Variants in TCERG1 observed in about 807,000 individuals in gnomAD.
TCERG1 encodes transcription elongation regulator 1, also known as TATA box binding protein (TBP)-associated factor, RNA polymerase II, S, 150kD.
TCERG1 carries 37 observed loss-of-function variants against 144.7 expected under a neutral mutation model. The observed-to-expected ratio is 0.26, with a 90% CI of 0.20 to 0.34. The LOEUF (loss-of-function observed/expected upper bound fraction) is 0.34. TCERG1 is among the 10% of genes least tolerant of loss of function. The pLI is 1.00. For synonymous variants in TCERG1, 492 were observed against 458.2 expected (o/e 1.07, Z -0.94); for missense variants, 1,027 against 1,380.7 (o/e 0.74, Z 4.06).
chr5:146,462,084 C>T (rs1763379902), intron 4 of TCERG1: 1 of 152,594 alleles, frequency 6.6e-6, no homozygotes, highest in Non-Finnish European at 1.5e-5. Context: ...GCCCTGCTGT[C>T]TATTTAGCCA....
At chr5:146,472,454 A>G (rs1764402546) in intron 9 of TCERG1, among the ~76,000 whole-genome samples, 1 of 152,138 alleles carries the variant, frequency 6.6e-6, no homozygotes, top group South Asian at 2.1e-4. Context: ...ATCTGCGATC[A>G]GTGATCTTTT....
chr5:146,483,548 T>G lies in TCERG1; in HGVS notation c.2082T>G (p.Ala694=). The G allele has an allele frequency of 6.2e-7, 1 of 1,612,066 alleles. No homozygotes were observed. Among genetic ancestry groups the G allele is most frequent in the Non-Finnish European group, 8.5e-7 (1 of 1,178,872 alleles). Residue 694 remains alanine (A), a synonymous_variant, in exon 15 of 23, where the codon GCT becomes GCG. Coordinates refer to ENST00000679501, the MANE Select transcript of TCERG1 (RefSeq NM_001382548.1). ...ACGTTTTTATTTTAAAGGTGTCTGC[T>G]TTTTCAACGTGGGAGAAGGAGTTGC... ...KDMLLERGVS[A]FSTWEKELHK...
At chr5:146,466,233 T>C (rs2150349212) in intron 5 of TCERG1, among the ~76,000 whole-genome samples, 1 of 152,300 alleles carries the variant, frequency 6.6e-6, no homozygotes, top group Admixed American at 6.5e-5. Flanking sequence ...GGTTTTTGCC[T>C]TTTAATTCAA....
intron 1 of TCERG1, among the ~76,000 whole-genome samples, chr5:146,450,734 T>G (rs1762275673): frequency 6.6e-6 from 1 of 152,186 alleles, no homozygotes; most frequent in Non-Finnish European, 1.5e-5. Context: ...AAAAGGAAAT[T>G]ATGTGAATTT....
chr5:146,492,531 TAAGAG>T (rs1345507923), intron 15 of TCERG1, among the ~76,000 whole-genome samples: 3 of 152,182 alleles, frequency 2.0e-5, no homozygotes, highest in Non-Finnish European at 4.4e-5. Context: ...ACTTATGTCT[TAAGAG>T]AAGCACGGAA....
chr5:146,506,301 A>G (rs1028624461), intron 19 of TCERG1, among the ~76,000 whole-genome samples: 1 of 152,192 alleles, frequency 6.6e-6, no homozygotes. Flanking sequence ...ATTATCACCA[A>G]TGAAGCATAT....
chr5:146,503,844 A>C lies in TCERG1; in HGVS notation c.2619A>C (p.Glu873Asp). 1 of 1,592,822 alleles carries C rather than the reference A, an allele frequency of 6.3e-7. No homozygotes were observed. Among genetic ancestry groups the C allele is most frequent in the Non-Finnish European group, 8.5e-7 (1 of 1,174,600 alleles). The change falls in exon 19 of 23, where the codon GAA becomes GAC. Residue 873 changes from glutamate to aspartate, a missense_variant. Physicochemically the swap from Glu to Asp is conservative, Grantham distance 45. Around this residue, in one of 6 missense-constraint regions of TCERG1, gnomAD observed 482 missense variants for 632.6 expected, o/e 0.76. Coordinates refer to ENST00000679501, the MANE Select transcript of TCERG1 (RefSeq NM_001382548.1). ...KIAKNLDSEK[E>D]KELERQARIE... ...TACAGAATTTAGACTCAGAAAAAGAAAAGGAGCTTGAAAGGCAAGCCCGCA... is the reference window on the plus strand; with the variant it reads ...TACAGAATTTAGACTCAGAAAAAGACAAGGAGCTTGAAAGGCAAGCCCGCA...
chr5:146,497,167 A>G lies in TCERG1; in HGVS notation c.2283-1369A>G, dbSNP rs577066603. On this transcript the variant is annotated intron_variant, in intron 16 of 22. Transcript: ENST00000679501. ...GATTACAGCCATGAGCCACCACACT[A>G]TGTTTTTTTGTTTTTGTTTTTTTGA... is the stretch of plus-strand genomic sequence containing the variant. 4.7e-5 allele frequency among the ~76,000 whole-genome samples: 7 copies of G among 149,314 alleles called. No individual in the cohort carries two copies. The South Asian group carries it at 8.5e-4, about 18-fold the overall frequency.
intron 9 of TCERG1, among the ~76,000 whole-genome samples, chr5:146,476,545 G>C (rs1027469811): frequency 6.6e-6 from 1 of 150,892 alleles, no homozygotes; most frequent in Non-Finnish European, 1.5e-5. Context: ...TGTTACACAG[G>C]CTCATTTAAA....
chr5:146,505,913 A>T (rs921881808), intron 19 of TCERG1, among the ~76,000 whole-genome samples: 10 of 152,020 alleles, frequency 6.6e-5, no homozygotes, highest in Admixed American at 2.6e-4. Context: ...AGTAGCTGGG[A>T]CTACAGGCAT....
At chr5:146,506,643 ACTC>A (rs916017765) in intron 19 of TCERG1, among the ~76,000 whole-genome samples, 1 of 151,802 alleles carries the variant, frequency 6.6e-6, no homozygotes, top group African/African-American at 2.4e-5. Flanking sequence ...TTGACAAGTA[ACTC>A]CTCATTCTCT....
At chr5:146,487,983 A>G (rs775918477) in intron 15 of TCERG1, among the ~76,000 whole-genome samples, 7 of 152,334 alleles carry the variant, frequency 4.6e-5, no homozygotes, top group Admixed American at 6.5e-5. Flanking sequence ...AAAGGTGCCA[A>G]GAACACTCAC....
chr5:146,468,285 G>A, intron 5 of TCERG1, 56 bp from the exon 6 acceptor site: 1 of 1,357,440 alleles, frequency 7.4e-7, no homozygotes, highest in Non-Finnish European at 1.0e-6. Context: ...GAATCCCAGT[G>A]GTAGCCGACA....
At chr5:146,486,353 T>G (rs1403106306) in intron 15 of TCERG1, among the ~76,000 whole-genome samples, 1 of 152,236 alleles carries the variant, frequency 6.6e-6, no homozygotes, top group East Asian at 1.9e-4. Context: ...ACCATAAATT[T>G]TAACTTAGAA....
At chr5:146,460,914 G>A (rs1763277423) in intron 4 of TCERG1, among the ~76,000 whole-genome samples, 1 of 152,164 alleles carries the variant, frequency 6.6e-6, no homozygotes, top group Non-Finnish European at 1.5e-5. Context: ...TGGCAAGGCA[G>A]GAGACTACCA....
chr5:146,447,552 G>A, intron 1 of TCERG1, 144 bp downstream of exon 1: 1 of 1,066,242 alleles, frequency 9.4e-7, no homozygotes, highest in Middle Eastern at 2.9e-4. Flanking sequence ...TTTAAGAAGG[G>A]GGAAGGGGAA....
intron 16 of TCERG1, among the ~76,000 whole-genome samples, chr5:146,497,261 C>T (rs934077145): frequency 6.6e-6 from 1 of 152,166 alleles, no homozygotes; most frequent in Non-Finnish European, 1.5e-5. Context: ...GCCTTTGCCT[C>T]CCAGGTTCAA....
intron 16 of TCERG1, 63 bp downstream of exon 16, chr5:146,493,101 A>G: frequency 8.5e-7 from 1 of 1,178,146 alleles, no homozygotes; most frequent in Non-Finnish European, 1.2e-6. Context: ...TCAGTTTTTA[A>G]AAATTAAAAA....
At chr5:146,500,315 G>A (rs547442154) in intron 17 of TCERG1, among the ~76,000 whole-genome samples, 1 of 152,106 alleles carries the variant, frequency 6.6e-6, no homozygotes, top group South Asian at 2.1e-4. Context: ...TTCACATTTT[G>A]AGCACATTTG....
Sources: allele counts gnomAD v4.1 joint callset (sites outside exome capture counted in the v4.1 genomes callset), GRCh38; gene constraint gnomAD v4.1.1; regional missense constraint gnomAD v4.1.1; transcripts MANE v1.5; gene names NCBI Gene and HGNC (gene_info 2026-07-23, HGNC 2026-07-21).